Variants in PCDHGA7 observed in about 807,000 individuals in gnomAD.
PCDHGA7 encodes the protein protocadherin gamma subfamily A, 7.
Under a neutral mutation model 58.3 loss-of-function variants are expected in PCDHGA7, and 44 were observed. The observed-to-expected ratio is 0.75, with a 90% CI of 0.59 to 0.97. PCDHGA7 has a LOEUF of 0.97. Among genes scored for constraint, PCDHGA7 ranks in the 50% least tolerant of loss-of-function variants. The pLI is 0.00. For missense variants in PCDHGA7, 1,266 were observed against 1,188.7 expected (o/e 1.06, Z -0.96); for synonymous variants, 516 against 504.2 (o/e 1.02, Z -0.31).
chr5:141,388,626 A>C, intron 1 of PCDHGA7: 1 of 1,613,974 alleles, frequency 6.2e-7, no homozygotes, highest in Non-Finnish European at 8.5e-7. Flanking sequence ...AGACGTATAC[A>C]GGGTGAGCCT....
chr5:141,455,377 CAGAA>C (rs2098820699), intron 1 of PCDHGA7, among the ~76,000 whole-genome samples: 1 of 151,970 alleles, frequency 6.6e-6, no homozygotes, highest in Admixed American at 6.6e-5. Flanking sequence ...AGGGAGAAGA[CAGAA>C]GGAAGGAGCT....
At chr5:141,406,448 A>G (rs149183502) in intron 1 of PCDHGA7, among the ~76,000 whole-genome samples, 1 of 152,348 alleles carries the variant, frequency 6.6e-6, no homozygotes, top group African/African-American at 2.4e-5. Context: ...TTCCATTTCT[A>G]TGACAGGAAA....
chr5:141,456,703 G>A (rs528071544), intron 1 of PCDHGA7, among the ~76,000 whole-genome samples: 37 of 152,180 alleles, frequency 2.4e-4, no homozygotes, highest in Non-Finnish European at 4.9e-4. Context: ...GGTGGCTCGC[G>A]CCTGTAATCC....
chr5:141,470,742 G>T (rs2099238719), intron 1 of PCDHGA7, among the ~76,000 whole-genome samples: 1 of 152,066 alleles, frequency 6.6e-6, no homozygotes, highest in African/African-American at 2.4e-5. Flanking sequence ...CTGTCGCCCT[G>T]GCTGGAGTGC....
intron 1 of PCDHGA7, among the ~76,000 whole-genome samples, chr5:141,425,036 G>A (rs574813328): frequency 1.3e-5 from 2 of 152,238 alleles, no homozygotes; most frequent in East Asian, 3.9e-4. Context: ...GTCATTAGTT[G>A]TAAACTGACT....
At chr5:141,498,921 AG>A (rs1289139995) in intron 2 of PCDHGA7, among the ~76,000 whole-genome samples, 1 of 140,074 alleles carries the variant, frequency 7.1e-6, no homozygotes, top group Non-Finnish European at 1.6e-5. Flanking sequence ...TGACAGAGCG[AG>A]ACTCCATCAG....
At chr5:141,478,143 A>G (rs759384540) in intron 1 of PCDHGA7, 72 of 1,614,014 alleles carry the variant, frequency 4.5e-5, no homozygotes, top group Middle Eastern at 3.3e-4. Context: ...GCCCGAGCCG[A>G]GTTCCCCTCT....
At chr5:141,479,936 T>C (rs532302710) in intron 1 of PCDHGA7, among the ~76,000 whole-genome samples, 97 of 152,340 alleles carry the variant, frequency 6.4e-4, no homozygotes, top group African/African-American at 2.2e-3. Flanking sequence ...ATCATTGCTA[T>C]CAACTCTTGG....
chr5:141,464,394 G>A (rs1277856342), intron 1 of PCDHGA7, among the ~76,000 whole-genome samples: 1 of 150,654 alleles, frequency 6.6e-6, no homozygotes. Context: ...TGCTAATGAA[G>A]AACCTGAGAT....
chr5:141,489,247 C>T lies in PCDHGA7; in HGVS notation c.2425-5560C>T. 6.5e-7 allele frequency: 1 copy of T among 1,546,012 alleles called. No individual in the cohort carries two copies. The highest frequency in any genetic ancestry group is 8.7e-7 in the Non-Finnish European group (1 of 1,146,298). ...ACAAAGGGACTTCTGGGTCATGGGGCCCAAGACACTCCCACAGCTCGCTGG... is the reference window on the plus strand; with the variant it reads ...ACAAAGGGACTTCTGGGTCATGGGGTCCAAGACACTCCCACAGCTCGCTGG... On this transcript the variant is annotated intron_variant, in intron 1 of 3. Coordinates refer to ENST00000518325, the MANE Select transcript of PCDHGA7 (RefSeq NM_018920.4). This position sits in a 1 kb window ranked among gnomAD's most constrained non-coding sequence, Gnocchi z 4.5.
rs905837179 is a variant in PCDHGA7 at position 141,478,541 on chromosome 5, G to A, written c.2425-16266G>A. ...GTTGGGTGCAGAGAGCGCCCCTCCCGGACAGGTAAGGTTTAGCAAGTCATG... is the reference window on the plus strand; with the variant it reads ...GTTGGGTGCAGAGAGCGCCCCTCCCAGACAGGTAAGGTTTAGCAAGTCATG... On this transcript the variant is annotated intron_variant, in intron 1 of 3. Coordinates refer to ENST00000518325, the MANE Select transcript of PCDHGA7 (RefSeq NM_018920.4). 4 of 1,605,470 alleles carry A rather than the reference G, an allele frequency of 2.5e-6. No homozygotes were observed. The Admixed American group carries it at 5.2e-5, about 21-fold the overall frequency.
intron 1 of PCDHGA7, chr5:141,392,959 C>T (rs2092637209): frequency 6.2e-7 from 1 of 1,613,902 alleles, no homozygotes; most frequent in African/African-American, 1.3e-5. Flanking sequence ...GGTAATATCT[C>T]CAAGGACCTG....
intron 1 of PCDHGA7, chr5:141,423,597 G>A: frequency 6.2e-7 from 1 of 1,613,188 alleles, no homozygotes; most frequent in Non-Finnish European, 8.5e-7. Context: ...AGAAAAGCGA[G>A]CCACTCTTGA....
At position 141,385,298 on chromosome 5, in the gene PCDHGA7, G is replaced by A. The variant is rs1409031209; in HGVS notation, c.2399G>A (p.Cys800Tyr). ...CTAACATCCGTAGATTTTCAGGAATGTAAAGAAAACCTGCCAAGTATTCAG... is the reference window on the plus strand; with the variant it reads ...CTAACATCCGTAGATTTTCAGGAATATAAAGAAAACCTGCCAAGTATTCAG... The part of the protein sequence containing the change: ...SLLTSVDFQE[C>Y]KENLPSIQQA... Residue 800 changes from cysteine to tyrosine, a missense_variant, in exon 1 of 4, where the codon TGT becomes TAT. Transcript: ENST00000518325. 1.2e-6 allele frequency: 2 copies of A among 1,612,982 alleles called. No individual in the cohort carries two copies. The highest frequency in any genetic ancestry group is 8.5e-7 in the Non-Finnish European group (1 of 1,179,276).
At chr5:141,414,085 G>C (rs1459185694) in intron 1 of PCDHGA7, 1 of 1,600,126 alleles carries the variant, frequency 6.2e-7, no homozygotes, top group Non-Finnish European at 8.5e-7. Context: ...ATATACTGGA[G>C]AAATAAAAAT....
intron 1 of PCDHGA7, among the ~76,000 whole-genome samples, chr5:141,483,993 G>T (rs1307708919): frequency 6.8e-6 from 1 of 147,882 alleles, no homozygotes; most frequent in Non-Finnish European, 1.5e-5. Flanking sequence ...AGGTTGCTGG[G>T]AGGTCTGGAT....
At chr5:141,443,169 T>C (rs946262743) in intron 1 of PCDHGA7, among the ~76,000 whole-genome samples, 2 of 152,170 alleles carry the variant, frequency 1.3e-5, no homozygotes, top group Non-Finnish European at 2.9e-5. Flanking sequence ...TCCCTACCCA[T>C]GTCCACTGCA....
rs138463062 is a variant in PCDHGA7 at position 141,485,217 on chromosome 5, C to T, written c.2425-9590C>T. 7,893 of 1,614,092 alleles carry T rather than the reference C, an allele frequency of 4.9e-3. 42 individuals carry two copies. Among genetic ancestry groups the T allele is most frequent in the Admixed American group, 8.8e-3 (531 of 60,030 alleles). On this transcript the variant is annotated intron_variant, in intron 1 of 3. Coordinates refer to ENST00000518325, the MANE Select transcript of PCDHGA7 (RefSeq NM_018920.4). This position sits in a 1 kb window ranked among gnomAD's most constrained non-coding sequence, Gnocchi z 5.7. Reference sequence around the variant, plus strand: ...AGCTGGACAGAAATCTGGCGGTGGGCTACCCTTTTGTTCCTCTTTTACCAC... The same window carrying T: ...AGCTGGACAGAAATCTGGCGGTGGGTTACCCTTTTGTTCCTCTTTTACCAC...
chr5:141,405,032 G>T lies in PCDHGA7; in HGVS notation c.2424+19709G>T, dbSNP rs747720731. On this transcript the variant is annotated intron_variant, in intron 1 of 3. Coordinates refer to ENST00000518325, the MANE Select transcript of PCDHGA7 (RefSeq NM_018920.4). Reference sequence around the variant, plus strand: ...GGCCTCAGACCTTACCCTCTACCTCGTTGTGGCTGTGGCAGTCGTCTCCTG... The same window carrying T: ...GGCCTCAGACCTTACCCTCTACCTCTTTGTGGCTGTGGCAGTCGTCTCCTG... The T allele has an allele frequency of 1.9e-6, 3 of 1,613,806 alleles. No homozygotes were observed. Among genetic ancestry groups the T allele is most frequent in the Admixed American group, 3.3e-5 (2 of 59,992 alleles).
Sources: allele counts gnomAD v4.1 joint callset (sites outside exome capture counted in the v4.1 genomes callset), GRCh38; gene constraint gnomAD v4.1.1; non-coding constraint Gnocchi (gnomAD v3.1); transcripts MANE v1.5; gene names NCBI Gene and HGNC (gene_info 2026-07-23, HGNC 2026-07-21).